Variants in SMYD3 observed in about 807,000 individuals in gnomAD.
SMYD3 encodes the protein SET and MYND domain containing 3, also known as histone-lysine N-methyltransferase SMYD3.
In SMYD3, 36 loss-of-function variants were observed where a neutral mutation model predicts 57.7. The ratio of observed to expected loss-of-function variants is 0.62; its 90% CI spans 0.48 to 0.82. SMYD3 has a LOEUF of 0.82. Ranked by LOEUF, SMYD3 falls within the 40% of genes least tolerant of loss-of-function variation. SMYD3 has a pLI of 0.00. For missense variants in SMYD3, 515 were observed against 538.8 expected (o/e 0.96, Z 0.44); for synonymous variants, 211 against 195.0 (o/e 1.08, Z -0.68).
At chr1:246,037,950 T>C (rs929728919) in intron 5 of SMYD3, among the ~76,000 whole-genome samples, 2 of 152,162 alleles carry the variant, frequency 1.3e-5, no homozygotes, top group Admixed American at 6.5e-5. Context: ...GACCATAAGG[T>C]CCCTGTTGCA....
intron 5 of SMYD3, among the ~76,000 whole-genome samples, chr1:246,187,270 A>G (rs1227742975): frequency 6.7e-6 from 1 of 150,194 alleles, no homozygotes; most frequent in Non-Finnish European, 1.5e-5. Flanking sequence ...CCTAGGCAAC[A>G]GAGTGAGACT....
chr1:245,966,678 T>C, intron 5 of SMYD3, among the ~76,000 whole-genome samples: 1 of 152,166 alleles, frequency 6.6e-6, no homozygotes, highest in Admixed American at 6.5e-5. Flanking sequence ...ATCTGGCCCT[T>C]GGGAAGACAG....
chr1:246,065,069 T>C (rs12562696), intron 5 of SMYD3, among the ~76,000 whole-genome samples: 3,035 of 152,354 alleles, frequency 0.02, 143 homozygotes, highest in East Asian at 0.16. Context: ...AGGATATAAA[T>C]AGATATGTAT....
At chr1:246,141,757 T>G (rs1222265539) in intron 5 of SMYD3, among the ~76,000 whole-genome samples, 2 of 152,248 alleles carry the variant, frequency 1.3e-5, no homozygotes, top group Non-Finnish European at 2.9e-5. Context: ...CATTCAAGAT[T>G]CCATTTAGTA....
intron 10 of SMYD3, among the ~76,000 whole-genome samples, chr1:245,799,097 A>G (rs764818330): frequency 1.1e-4 from 17 of 152,198 alleles, no homozygotes; most frequent in Non-Finnish European, 2.4e-4. Flanking sequence ...CTGAGAGATG[A>G]TAAATGCTCC....
intron 5 of SMYD3, among the ~76,000 whole-genome samples, chr1:246,033,842 GT>G (rs939078406): frequency 6.6e-5 from 10 of 152,006 alleles, no homozygotes; most frequent in Non-Finnish European, 1.3e-4. Flanking sequence ...AAATGTCAGT[GT>G]TCTGGTTGTG....
intron 10 of SMYD3, among the ~76,000 whole-genome samples, chr1:245,765,139 C>G (rs931314212): frequency 6.6e-6 from 1 of 150,990 alleles, no homozygotes; most frequent in Non-Finnish European, 1.5e-5. Context: ...GTAATCCCAG[C>G]ACTTTGGAGG....
chr1:246,449,606 C>G (rs1018261722), intron 1 of SMYD3, among the ~76,000 whole-genome samples: 1 of 152,140 alleles, frequency 6.6e-6, no homozygotes, highest in African/African-American at 2.4e-5. Flanking sequence ...ACTTCTCCAG[C>G]GATTACCTGA....
intron 5 of SMYD3, among the ~76,000 whole-genome samples, chr1:246,205,734 C>A (rs1484611760): frequency 4.1e-5 from 6 of 146,154 alleles, no homozygotes; most frequent in African/African-American, 1.7e-4. Flanking sequence ...GCAGGAGAAT[C>A]GCTTGAACCC....
chr1:246,212,688 A>G (rs1159231617), intron 5 of SMYD3, among the ~76,000 whole-genome samples: 1 of 152,184 alleles, frequency 6.6e-6, no homozygotes, highest in Non-Finnish European at 1.5e-5. Flanking sequence ...GGTATCAAGT[A>G]CTGCCAAGTT....
chr1:246,313,394 C>A (rs2065109269), intron 5 of SMYD3, among the ~76,000 whole-genome samples: 1 of 152,142 alleles, frequency 6.6e-6, no homozygotes, highest in South Asian at 2.1e-4. Context: ...AGGACACCAA[C>A]CAGCAAGTCA....
chr1:246,315,069 T>G (rs1346558369), intron 5 of SMYD3, among the ~76,000 whole-genome samples: 1 of 152,184 alleles, frequency 6.6e-6, no homozygotes, highest in Non-Finnish European at 1.5e-5. Flanking sequence ...GGGTGACTAC[T>G]TCCCCCTCTC....
rs189790779 is a variant in SMYD3, at chr1:245,774,792, A to G, written c.1077-10643T>C. 8.5e-3 allele frequency among the ~76,000 whole-genome samples: 1,226 copies of G among 144,120 alleles called. 8 individuals carry two copies. Among genetic ancestry groups the G allele is most frequent in the Non-Finnish European group, 0.013 (859 of 66,228 alleles). The allele number at this position is 144,120 out of a possible 152,430, so 94.5% of individuals were successfully genotyped here. A position where few individuals can be genotyped will look rare whatever the true frequency, so the allele number is the denominator to read the frequency against. On this transcript the variant is annotated intron_variant, in intron 10 of 11. Transcript: ENST00000490107. The stretch of plus-strand genomic sequence containing the variant: ...ACTGCTGCCATCTCGGCTCACTGCA[A>G]CCTCCCTGCCTGATTCTCCTGCCTC...
chr1:246,263,250 C>T lies in SMYD3; in HGVS notation c.531+63951G>A, dbSNP rs559005018. On this transcript the variant is annotated intron_variant, in intron 5 of 11. Transcript: ENST00000490107. ...TTTTGAGGGAAGTTATTTCACTTTT[C>T]TGAGGCTGTTTCTGTACTATAAAAT... is the stretch of plus-strand genomic sequence containing the variant. Among the ~76,000 whole-genome samples the T allele has an allele frequency of 7.9e-5, 12 of 152,282 alleles. No homozygotes were observed. The South Asian group carries it at 2.5e-3, about 32-fold the overall frequency.
Position 245,863,885 on chromosome 1 carries a change from T to C in SMYD3, c.815A>G (p.Asp272Gly), listed in dbSNP as rs1248897622. ...DCFRCQTQDKDADMLTGDEQV... is the reference protein window; with the variant it reads ...DCFRCQTQDKGADMLTGDEQV... Reference sequence around the variant, plus strand: ...CTCATCACCAGTTAGCATATCAGCATCCTGCTCAGGCCAGAAAAGGAAGAC... The same window carrying C: ...CTCATCACCAGTTAGCATATCAGCACCCTGCTCAGGCCAGAAAAGGAAGAC... The change falls in exon 9 of 12, where the codon GAT becomes GGT. Residue 272 changes from aspartate (D) to glycine (G), a missense_variant and splice_region_variant. By Grantham distance (94) the Asp-to-Gly change is moderately conservative (BLOSUM62 -1). Transcript: ENST00000490107. The C allele has an allele frequency of 6.2e-7, 1 of 1,614,034 alleles. No individual in the cohort carries two copies. The highest frequency in any genetic ancestry group is 8.5e-7 in the Non-Finnish European group (1 of 1,179,914).
At chr1:246,085,736 A>G (rs549017337) in intron 5 of SMYD3, among the ~76,000 whole-genome samples, 1 of 152,282 alleles carries the variant, frequency 6.6e-6, no homozygotes, top group East Asian at 1.9e-4. Context: ...GAAGTCTCCC[A>G]TGTCACATAA....
chr1:246,190,617 G>A (rs2062721780), intron 5 of SMYD3, among the ~76,000 whole-genome samples: 1 of 148,100 alleles, frequency 6.8e-6, no homozygotes, highest in Non-Finnish European at 1.5e-5. Flanking sequence ...AAGGAAGCAT[G>A]GGAAGTAGGG....
At chr1:245,847,149 G>T (rs757693697) in intron 10 of SMYD3, among the ~76,000 whole-genome samples, 1 of 152,078 alleles carries the variant, frequency 6.6e-6, no homozygotes, top group African/African-American at 2.4e-5. Context: ...TCTATCTCAC[G>T]AGCTCAAGAG....
intron 8 of SMYD3, among the ~76,000 whole-genome samples, chr1:245,873,492 T>C (rs972842720): frequency 2.0e-5 from 3 of 152,180 alleles, no homozygotes; most frequent in Non-Finnish European, 4.4e-5. Flanking sequence ...CTCCTGACAA[T>C]AGCCATTAAG....
Sources: gnomAD v4.1 joint callset for allele counts (sites outside exome capture counted in the v4.1 genomes callset) on GRCh38, gnomAD v4.1.1 for gene constraint, MANE v1.5 for transcripts, NCBI Gene and HGNC (gene_info 2026-07-23, HGNC 2026-07-21) for gene names.